Variants in METTL15 observed in about 807,000 individuals in gnomAD.
METTL15 encodes the protein 12S rRNA N(4)-cytidine methyltransferase METTL15.
A neutral mutation model predicts 38.3 loss-of-function variants in METTL15; 34 were observed. That is an observed-to-expected ratio of 0.89 (90% CI 0.68 to 1.18). The LOEUF is 1.18. Among genes scored for constraint, METTL15 ranks in the 50% most tolerant of loss-of-function variants. The pLI is 0.00. For missense variants in METTL15, 438 were observed against 498.4 expected (o/e 0.88, Z 1.15); for synonymous variants, 162 against 170.9 (o/e 0.95, Z 0.41).
chr11:28,130,679 C>G (rs139562846), intron 3 of METTL15, among the ~76,000 whole-genome samples: 101 of 152,218 alleles, frequency 6.6e-4, no homozygotes, highest in African/African-American at 2.3e-3. Flanking sequence ...AGTCTACATG[C>G]GCAGATGTTG....
chr11:28,244,593 T>A (rs1854434490), intron 4 of METTL15, among the ~76,000 whole-genome samples: 1 of 152,226 alleles, frequency 6.6e-6, no homozygotes, highest in Non-Finnish European at 1.5e-5. Flanking sequence ...TAAAAACTCC[T>A]ACAGGTTATT....
At chr11:28,258,705 A>G (rs1297195200) in intron 4 of METTL15, among the ~76,000 whole-genome samples, 3 of 152,090 alleles carry the variant, frequency 2.0e-5, no homozygotes, top group Non-Finnish European at 4.4e-5. Context: ...ATATTCCCTT[A>G]AGGTACGAGG....
At chr11:28,326,754 T>C (rs1849647108) in intron 6 of METTL15, among the ~76,000 whole-genome samples, 1 of 151,758 alleles carries the variant, frequency 6.6e-6, no homozygotes, top group Non-Finnish European at 1.5e-5. Flanking sequence ...AATTGTAGGA[T>C]TTTTTTGTTT....
At chr11:28,477,850 T>G (rs1244732483) in intron 6 of METTL15, among the ~76,000 whole-genome samples, 1 of 152,180 alleles carries the variant, frequency 6.6e-6, no homozygotes, top group Non-Finnish European at 1.5e-5. Context: ...ACCTAAAATT[T>G]TTCTGTATGG....
intron 6 of METTL15, among the ~76,000 whole-genome samples, chr11:28,429,936 A>C (rs1452545610): frequency 1.8e-5 from 2 of 108,644 alleles, no homozygotes; most frequent in East Asian, 3.0e-4. Flanking sequence ...AGCCGCCATC[A>C]CATCTAGGAA....
chr11:28,184,060 A>G (rs1020262922), intron 3 of METTL15, among the ~76,000 whole-genome samples: 43 of 152,134 alleles, frequency 2.8e-4, no homozygotes, highest in African/African-American at 9.9e-4. Context: ...TATTTATGGT[A>G]TTCTCTGATG....
chr11:28,154,907 G>T (rs956243467), intron 3 of METTL15, among the ~76,000 whole-genome samples: 1 of 152,078 alleles, frequency 6.6e-6, no homozygotes, highest in South Asian at 2.1e-4. Context: ...TGATTTTAGC[G>T]TATGACTTAA....
intron 4 of METTL15, among the ~76,000 whole-genome samples, chr11:28,240,546 G>C (rs1474183061): frequency 6.6e-6 from 1 of 152,170 alleles, no homozygotes; most frequent in Non-Finnish European, 1.5e-5. Flanking sequence ...ACCAGTTTTT[G>C]AGGTGTAGTA....
chr11:28,400,804 T>C (rs1236650796), intron 5 of METTL15, among the ~76,000 whole-genome samples: 2 of 151,950 alleles, frequency 1.3e-5, no homozygotes, highest in Admixed American at 6.6e-5. Context: ...ACCACAACAA[T>C]GTGTTTTCAT....
At chr11:28,402,972 A>G (rs187453312) in intron 5 of METTL15, among the ~76,000 whole-genome samples, 35 of 152,134 alleles carry the variant, frequency 2.3e-4, no homozygotes, top group Admixed American at 6.6e-4. Flanking sequence ...TCAGAAACAG[A>G]GTGGCCTCCA....
At chr11:28,469,948 A>G (rs574122315) in intron 6 of METTL15, among the ~76,000 whole-genome samples, 1 of 152,262 alleles carries the variant, frequency 6.6e-6, no homozygotes, top group African/African-American at 2.4e-5. Context: ...GCTTATGAAT[A>G]TATTCATGAA....
At chr11:28,211,609 T>C (rs541555825) in intron 4 of METTL15, among the ~76,000 whole-genome samples, 1 of 152,186 alleles carries the variant, frequency 6.6e-6, no homozygotes, top group South Asian at 2.1e-4. Flanking sequence ...CAACATAATA[T>C]ACTTGTTTCC....
chr11:28,277,062 A>G (rs745395676), intron 4 of METTL15, among the ~76,000 whole-genome samples: 4 of 152,202 alleles, frequency 2.6e-5, no homozygotes, highest in Admixed American at 6.5e-5. Flanking sequence ...TGGGAATTAA[A>G]TTGAAAAGCT....
At chr11:28,139,934 C>G (rs952691264) in intron 3 of METTL15, among the ~76,000 whole-genome samples, 1 of 144,266 alleles carries the variant, frequency 6.9e-6, no homozygotes, top group Non-Finnish European at 1.5e-5. Context: ...TTGTTCCCTC[C>G]TTTTGCCTAG....
At chr11:28,182,871 AT>A (rs763384527) in intron 3 of METTL15, among the ~76,000 whole-genome samples, 8 of 151,980 alleles carry the variant, frequency 5.3e-5, no homozygotes, top group Non-Finnish European at 1.0e-4. Flanking sequence ...TACGATATTG[AT>A]TCTTCCTATT....
chr11:28,454,078 G>T (rs1042917512), intron 6 of METTL15, among the ~76,000 whole-genome samples: 1 of 152,206 alleles, frequency 6.6e-6, no homozygotes, highest in Admixed American at 6.5e-5. Context: ...TAAATCCTCT[G>T]ATTGATGGAC....
At chr11:28,373,548 T>G (rs1438905949) in intron 5 of METTL15, among the ~76,000 whole-genome samples, 1 of 152,206 alleles carries the variant, frequency 6.6e-6, no homozygotes, top group Non-Finnish European at 1.5e-5. Context: ...TTGCAAAAAT[T>G]TTCTCCCATT....
chr11:28,308,369 A>T (rs2134019993), intron 6 of METTL15, among the ~76,000 whole-genome samples: 1 of 152,084 alleles, frequency 6.6e-6, no homozygotes, highest in South Asian at 2.1e-4. Flanking sequence ...CTCCTTTGCA[A>T]CACTTAGTTT....
intron 3 of METTL15, among the ~76,000 whole-genome samples, chr11:28,202,446 T>C (rs1247631595): frequency 6.6e-6 from 1 of 151,244 alleles, no homozygotes; most frequent in Non-Finnish European, 1.5e-5. Context: ...CATTGCTGAT[T>C]TTTTTTTTAA....
Sources: gnomAD v4.1 joint callset for allele counts (sites outside exome capture counted in the v4.1 genomes callset) on GRCh38, gnomAD v4.1.1 for gene constraint, MANE v1.5 for transcripts, NCBI Gene and HGNC (gene_info 2026-07-23, HGNC 2026-07-21) for gene names.